GRB2: variants seen among roughly 807,000 people sequenced by gnomAD.
GRB2 encodes the protein growth factor receptor bound protein 2.
GRB2 carries 2 observed loss-of-function variants against 27.4 expected under a neutral mutation model. The ratio of observed to expected loss-of-function variants is 0.07; its 90% CI spans 0.03 to 0.23. The LOEUF (loss-of-function observed/expected upper bound fraction) is 0.23, where lower values mean the gene tolerates loss of function less well. Ranked by LOEUF, GRB2 falls within the 10% of genes least tolerant of loss-of-function variation. The pLI, the probability that GRB2 is intolerant of heterozygous loss-of-function variation, is 1.00. For synonymous variants in GRB2, 94 were observed against 99.6 expected (o/e 0.94, Z 0.33); for missense variants, 102 against 282.4 (o/e 0.36, Z 4.58).
chr17:75,344,914 G>T (rs994941754), intron 2 of GRB2, among the ~76,000 whole-genome samples: 2 of 142,292 alleles, frequency 1.4e-5, no homozygotes, highest in East Asian at 4.8e-4. Context: ...AGGCAAACCC[G>T]CTCCTGTGTG....
At chr17:75,399,662 C>T (rs577267680) in intron 1 of GRB2, among the ~76,000 whole-genome samples, 8 of 143,584 alleles carry the variant, frequency 5.6e-5, no homozygotes, top group South Asian at 2.2e-4. Context: ...CCACCGCGCC[C>T]GACCAACAAT....
intron 2 of GRB2, among the ~76,000 whole-genome samples, chr17:75,348,123 C>T (rs2078666624): frequency 6.6e-6 from 1 of 152,234 alleles, no homozygotes; most frequent in African/African-American, 2.4e-5. Flanking sequence ...TCAATGCAGC[C>T]TCAGCCTCCC....
At chr17:75,333,020 C>T (rs1337388786) in intron 2 of GRB2, among the ~76,000 whole-genome samples, 1 of 151,914 alleles carries the variant, frequency 6.6e-6, no homozygotes, top group African/African-American at 2.4e-5. Flanking sequence ...ATTCAGGCTC[C>T]CAAACATCTG....
At chr17:75,325,096 A>G (rs2078489939) in intron 4 of GRB2, among the ~76,000 whole-genome samples, 1 of 152,050 alleles carries the variant, frequency 6.6e-6, no homozygotes, top group Admixed American at 6.6e-5. Context: ...AATAAAATAA[A>G]AGGAAAATGG....
In GRB2 at chr17:75,320,475, T is replaced by C; in HGVS notation, c.547A>G (p.Ile183Val). 1.2e-6 allele frequency: 2 copies of C among 1,614,024 alleles called. No homozygotes were observed. The highest frequency in any genetic ancestry group is 8.5e-7 in the Non-Finnish European group (1 of 1,179,894). ...GELGFRRGDFIHVMDNSDPNW... is the reference protein window; with the variant it reads ...GELGFRRGDFVHVMDNSDPNW... ...GGGTCTGAGTTATCCATGACATGGA[T>C]AAAATCTCCCCGGCGGAAGCCCAGC... Residue 183 changes from isoleucine to valine, a missense_variant, in exon 6 of 6, where the codon ATC becomes GTC. Around this residue, in one of 3 missense-constraint regions of GRB2, gnomAD observed 57 missense variants for 152.9 expected, o/e 0.37. Coordinates refer to ENST00000316804, the MANE Select transcript of GRB2 (RefSeq NM_002086.5). This position sits in a 1 kb window ranked among gnomAD's most constrained non-coding sequence, Gnocchi z 4.3.
intron 2 of GRB2, chr17:75,371,870 C>T (rs1018734365): frequency 2.6e-5 from 4 of 151,996 alleles, no homozygotes; most frequent in African/African-American, 7.2e-5. Context: ...AAGCGTTGAC[C>T]AATGGAACAC....
intron 2 of GRB2, among the ~76,000 whole-genome samples, chr17:75,362,473 G>A (rs2078789850): frequency 6.6e-6 from 1 of 152,198 alleles, no homozygotes; most frequent in Non-Finnish European, 1.5e-5. Context: ...ACACACGTAA[G>A]TCAGAAACTA....
chr17:75,325,630 T>C (rs1567856166), intron 4 of GRB2, among the ~76,000 whole-genome samples: 1 of 152,216 alleles, frequency 6.6e-6, no homozygotes, highest in Non-Finnish European at 1.5e-5. Flanking sequence ...TCAGGAGTGC[T>C]GGGCACTAGG....
intron 2 of GRB2, among the ~76,000 whole-genome samples, chr17:75,352,148 T>C (rs1013569041): frequency 1.3e-5 from 2 of 152,234 alleles, no homozygotes; most frequent in Non-Finnish European, 2.9e-5. Context: ...CCTGGCCTCC[T>C]TCAGGCAGCT....
At chr17:75,382,355 C>T (rs2078934608) in intron 2 of GRB2, among the ~76,000 whole-genome samples, 2 of 152,122 alleles carry the variant, frequency 1.3e-5, no homozygotes, top group Non-Finnish European at 1.5e-5. Context: ...AAAACTTTCA[C>T]TATGTTACTG....
chr17:75,350,515 G>A lies in GRB2; in HGVS notation c.79-17718C>T, dbSNP rs141607877. 7.6e-3 allele frequency among the ~76,000 whole-genome samples: 1,154 copies of A among 152,018 alleles called. 18 individuals carry two copies. Among genetic ancestry groups the A allele is most frequent in the African/African-American group, 0.025 (1,054 of 41,478 alleles). Reference sequence around the variant, plus strand: ...TATTTATTTTTATTTTTTTTGAGACGGAGTCTCGCTCTGTTGCACAGGCTG... The same window carrying A: ...TATTTATTTTTATTTTTTTTGAGACAGAGTCTCGCTCTGTTGCACAGGCTG... On this transcript the variant is annotated intron_variant, in intron 2 of 5. Transcript: ENST00000316804.
rs964467651 is a variant in GRB2, at chr17:75,320,735, G to T, written c.469-182C>A. 6.6e-6 allele frequency among the ~76,000 whole-genome samples: 1 copy of T among 152,080 alleles called. No individual in the cohort carries two copies. Among genetic ancestry groups the T allele is most frequent in the Non-Finnish European group, 1.5e-5 (1 of 68,016 alleles). On this transcript the variant is annotated intron_variant, in intron 5 of 5. Coordinates refer to ENST00000316804, the MANE Select transcript of GRB2 (RefSeq NM_002086.5). The surrounding 1 kb of genome is among the most constrained non-coding windows in gnomAD (Gnocchi z 4.3). Reference sequence around the variant, plus strand: ...CTATTCTAAGTTTACAGGCCAAGCGGGTTTAGTGTGATATTTCCCAGTGCT... The same window carrying T: ...CTATTCTAAGTTTACAGGCCAAGCGTGTTTAGTGTGATATTTCCCAGTGCT...
At chr17:75,332,367 T>A (rs2078546898) in intron 3 of GRB2, among the ~76,000 whole-genome samples, 1 of 152,108 alleles carries the variant, frequency 6.6e-6, no homozygotes, top group South Asian at 2.1e-4. Flanking sequence ...CAAAATCATC[T>A]AAGTACCTTT....
At chr17:75,366,198 AGCCCT>A (rs556863455) in intron 2 of GRB2, among the ~76,000 whole-genome samples, 137 of 152,294 alleles carry the variant, frequency 9.0e-4, no homozygotes, top group Middle Eastern at 3.4e-3. Context: ...GCTGAGCTTC[AGCCCT>A]GATCAAATCT....
intron 1 of GRB2, among the ~76,000 whole-genome samples, chr17:75,395,507 G>A (rs954419218): frequency 2.6e-5 from 4 of 152,130 alleles, no homozygotes; most frequent in African/African-American, 9.7e-5. Flanking sequence ...AAAAGTCAGA[G>A]TATTAAAAGG....
intron 2 of GRB2, among the ~76,000 whole-genome samples, chr17:75,360,523 C>G (rs532688296): frequency 4.5e-4 from 68 of 152,310 alleles, no homozygotes; most frequent in African/African-American, 1.6e-3. Flanking sequence ...ATGTAATCCC[C>G]TACTGATTCA....
At chr17:75,401,508 A>C (rs1437229296) in intron 1 of GRB2, among the ~76,000 whole-genome samples, 4 of 151,880 alleles carry the variant, frequency 2.6e-5, no homozygotes, top group African/African-American at 9.7e-5. Context: ...GCGAGATCAC[A>C]GAACACTTTT....
At position 75,318,752 on chromosome 17, in the gene GRB2, C is replaced by T. The variant is rs1045502967; in HGVS notation, c.*1616G>A. On this transcript the variant is annotated 3_prime_UTR_variant, in exon 6 of 6. Coordinates refer to ENST00000316804, the MANE Select transcript of GRB2 (RefSeq NM_002086.5). ...AGCTTCCCAGTGCTGCCCTCACACT[C>T]ACCTGGACAGGTCAGGGGACACAGG... 6.6e-6 allele frequency: 1 copy of T among 152,342 alleles called. No homozygotes were observed. Among genetic ancestry groups the T allele is most frequent in the South Asian group, 2.1e-4 (1 of 4,832 alleles). The allele number at this position is 152,342 out of a possible 1,614,324, so 9.4% of individuals were successfully genotyped here.
At chr17:75,355,337 T>A (rs2078724751) in intron 2 of GRB2, among the ~76,000 whole-genome samples, 1 of 152,192 alleles carries the variant, frequency 6.6e-6, no homozygotes, top group South Asian at 2.1e-4. Context: ...CTTTTGACTC[T>A]ACTGCCTCAT....
Sources: gnomAD v4.1 joint callset for allele counts (sites outside exome capture counted in the v4.1 genomes callset) on GRCh38, gnomAD v4.1.1 for gene constraint, gnomAD v4.1.1 regional missense constraint, Gnocchi (gnomAD v3.1) non-coding constraint, MANE v1.5 for transcripts, NCBI Gene and HGNC (gene_info 2026-07-23, HGNC 2026-07-21) for gene names.